Variants in MDN1 observed in about 807,000 individuals in gnomAD.
MDN1 encodes the protein midasin AAA ATPase 1.
Under a neutral mutation model 669.2 loss-of-function variants are expected in MDN1, and 266 were observed. The ratio of observed to expected loss-of-function variants is 0.40; its 90% CI spans 0.36 to 0.44. The LOEUF (loss-of-function observed/expected upper bound fraction) is 0.44. Ranked by LOEUF, MDN1 falls within the 20% of genes least tolerant of loss-of-function variation. The pLI is 1.00. For missense variants in MDN1, 5,940 were observed against 6,754.0 expected (o/e 0.88, Z 4.22); for synonymous variants, 2,385 against 2,457.1 (o/e 0.97, Z 0.87).
At chr6:89,670,665 G>C (rs1284477840) in intron 83 of MDN1, among the ~76,000 whole-genome samples, 1 of 152,090 alleles carries the variant, frequency 6.6e-6, no homozygotes, top group African/African-American at 2.4e-5. Context: ...CAGCGCTGGA[G>C]TTTAGGGAAC....
In MDN1 at chr6:89,643,324, G is replaced by A. The variant is rs930350562; in HGVS notation, c.*681C>T. On this transcript the variant is annotated 3_prime_UTR_variant, in exon 102 of 102. Coordinates refer to ENST00000369393, the MANE Select transcript of MDN1 (RefSeq NM_014611.3). ...CCTTCCCATCATTGCATAGTCTCCC[G>A]AAGCAGCAAGTGTGAAAGAGGATAC... 6 of 152,174 alleles carry A rather than the reference G, an allele frequency of 3.9e-5. No individual in the cohort carries two copies. Among genetic ancestry groups the A allele is most frequent in the African/African-American group, 9.7e-5 (4 of 41,432 alleles). The allele number at this position is 152,174 out of a possible 1,614,324, so 9.4% of individuals were successfully genotyped here.
At chr6:89,659,759 C>A (rs1424103040) in intron 88 of MDN1, among the ~76,000 whole-genome samples, 1 of 152,180 alleles carries the variant, frequency 6.6e-6, no homozygotes, top group East Asian at 1.9e-4. Flanking sequence ...TGATCATATA[C>A]AGAAAATACA....
rs962649859 is a variant in MDN1 at position 89,761,806 on chromosome 6, TAAAC to T, written c.2357-62_2357-59del. 2.1e-5 allele frequency: 25 copies of T among 1,190,202 alleles called. No individual in the cohort carries two copies. In the African/African-American group the frequency reaches 2.8e-4, roughly 13 times the overall value. 73.7% of individuals were successfully genotyped at this position (1,190,202 alleles called of 1,614,324 possible). A position where few individuals can be genotyped will look rare whatever the true frequency, so the allele number is the denominator to read the frequency against. On this transcript the variant is annotated intron_variant, in intron 16 of 101. Transcript: ENST00000369393. ...TTTGAATTGTAATATATACAACTTC[TAAAC>T]AAACAAATACAATTAACAAAACACA...
intron 17 of MDN1, among the ~76,000 whole-genome samples, chr6:89,759,488 G>T (rs1817423273): frequency 6.6e-6 from 1 of 152,190 alleles, no homozygotes; most frequent in Non-Finnish European, 1.5e-5. Context: ...TCTGGGCTGG[G>T]TGTGGTGGCT....
At chr6:89,803,930 C>G (rs1413576684) in intron 1 of MDN1, among the ~76,000 whole-genome samples, 2 of 109,480 alleles carry the variant, frequency 1.8e-5, no homozygotes, top group East Asian at 3.1e-4. Context: ...GAGACAGAGT[C>G]CTGCTCCATC....
At chr6:89,759,943 A>G (rs1265901920) in intron 17 of MDN1, among the ~76,000 whole-genome samples, 7 of 145,472 alleles carry the variant, frequency 4.8e-5, no homozygotes, top group East Asian at 2.1e-4. Flanking sequence ...GTGGTGGCAC[A>G]CACCTGTAAT....
chr6:89,800,840 C>T (rs1373973443), intron 2 of MDN1, among the ~76,000 whole-genome samples: 1 of 152,070 alleles, frequency 6.6e-6, no homozygotes, highest in African/African-American at 2.4e-5. Context: ...GGGGTCTGTA[C>T]TAAACCCAGA....
chr6:89,734,691 A>AGAGAGAG (rs370691129), intron 33 of MDN1, among the ~76,000 whole-genome samples: 1,489 of 112,904 alleles, frequency 0.013, 61 homozygotes, highest in Admixed American at 0.033. Flanking sequence ...AAAAAAAAAC[A>AGAGAGAG]AGAGAGAGAG....
In MDN1 at chr6:89,727,474, T is replaced by A. The variant is rs79630590; in HGVS notation, c.5472+359A>T. Among the ~76,000 whole-genome samples the A allele has an allele frequency of 3.6e-3, 548 of 152,294 alleles. 8 individuals carry two copies. In the East Asian group the frequency reaches 0.038, roughly 11 times the overall value. On this transcript the variant is annotated intron_variant, in intron 37 of 101. Coordinates refer to ENST00000369393, the MANE Select transcript of MDN1 (RefSeq NM_014611.3). ...GGTCATTTTGTATGTCTTTCCTTAG[T>A]CTCTCCGGTGCACTAATAAAACATG...
At chr6:89,689,497 T>A (rs1305122061) in intron 65 of MDN1, among the ~76,000 whole-genome samples, 2 of 152,166 alleles carry the variant, frequency 1.3e-5, no homozygotes. Context: ...TGCTCCCAGG[T>A]ATGTGTTATT....
At chr6:89,786,586 AC>A (rs1818971236) in intron 8 of MDN1, among the ~76,000 whole-genome samples, 1 of 151,198 alleles carries the variant, frequency 6.6e-6, no homozygotes, top group African/African-American at 2.4e-5. Flanking sequence ...CAGCCTGGGT[AC>A]AAAGCAAAAC....
Position 89,715,723 on chromosome 6 carries a change from C to A in MDN1, c.6790G>T (p.Val2264Phe), listed in dbSNP as rs1311655941. 6.2e-7 allele frequency: 1 copy of A among 1,613,874 alleles called. No individual in the cohort carries two copies. Among genetic ancestry groups the A allele is most frequent in the South Asian group, 1.1e-5 (1 of 91,086 alleles). Residue 2264 changes from valine to phenylalanine, a missense_variant, in exon 45 of 102, where the codon GTC (valine) becomes TTC (phenylalanine). By Grantham distance (50) the Val-to-Phe change is conservative. Coordinates refer to ENST00000369393, the MANE Select transcript of MDN1 (RefSeq NM_014611.3). ...RLNALLEPGGVLTISERGMID... is the reference protein window; with the variant it reads ...RLNALLEPGGFLTISERGMID... ...ATTCCTCTCTCACTAATAGTGAGGA[C>A]ACCTCCGGGTTCAAGCAAAGCATTC... is the stretch of plus-strand genomic sequence containing the variant.
At chr6:89,720,631 T>C (rs996770712) in intron 40 of MDN1, among the ~76,000 whole-genome samples, 1 of 152,174 alleles carries the variant, frequency 6.6e-6, no homozygotes, top group Non-Finnish European at 1.5e-5. Context: ...ACCTGACTAA[T>C]CAATCATTCA....
At chr6:89,753,773 G>C (rs570078631) in intron 21 of MDN1, 151 bp from the exon 22 acceptor site, 1 of 709,188 alleles carries the variant, frequency 1.4e-6, no homozygotes. Flanking sequence ...GGTAGGCCAG[G>C]CACGGTGGTT....
intron 1 of MDN1, among the ~76,000 whole-genome samples, chr6:89,812,483 T>C (rs1223818924): frequency 1.3e-5 from 2 of 152,064 alleles, no homozygotes; most frequent in African/African-American, 4.8e-5. Context: ...AATTCATCAA[T>C]TTCCCAATAA....
chr6:89,772,616 C>T lies in MDN1; in HGVS notation c.2040G>A (p.Gly680=). The change falls in exon 14 of 102, where the codon GGG becomes GGA. Residue 680 remains glycine (G), a synonymous_variant. Coordinates refer to ENST00000369393, the MANE Select transcript of MDN1 (RefSeq NM_014611.3). ...ATTGGATGGTAGAGGTTTTGCCAGTCCCGGTCTCTCCCACCAGCAACACAG... is the reference window on the plus strand; with the variant it reads ...ATTGGATGGTAGAGGTTTTGCCAGTTCCGGTCTCTCCCACCAGCAACACAG... ...GEPVLLVGET[G]TGKTSTIQYL... 6.2e-7 allele frequency: 1 copy of T among 1,614,096 alleles called. No homozygotes were observed. The highest frequency in any genetic ancestry group is 8.5e-7 in the Non-Finnish European group (1 of 1,179,998).
intron 56 of MDN1, 74 bp downstream of exon 56, chr6:89,700,572 G>A: frequency 6.7e-7 from 1 of 1,483,050 alleles, no homozygotes; most frequent in Non-Finnish European, 9.3e-7. Flanking sequence ...AAATCTAAGG[G>A]AAAACTTATT....
rs771629998 is a variant in MDN1 at position 89,730,782 on chromosome 6, T to C, written c.5084A>G (p.Lys1695Arg). ...ELKIYDRMKA[K>R]EFTGIDNLWG... is the part of the protein sequence containing the mutation. ...AAGGTTATCTATTCCAGTGAATTCT[T>C]TGGCCTTCATTCTGTCATAAATCTT... The change falls in exon 35 of 102, where the codon AAA becomes AGA. Residue 1695 changes from lysine to arginine, a missense_variant. This residue lies in a region of MDN1 where 2,292 missense variants were observed against 2,638.3 expected (regional missense o/e 0.87). Transcript: ENST00000369393. 1.1e-5 allele frequency: 17 copies of C among 1,614,132 alleles called. No individual in the cohort carries two copies. The highest frequency in any genetic ancestry group is 3.3e-5 in the Admixed American group (2 of 60,012).
chr6:89,668,683 TG>T (rs1410158291), intron 83 of MDN1, among the ~76,000 whole-genome samples: 1 of 152,192 alleles, frequency 6.6e-6, no homozygotes, highest in East Asian at 1.9e-4. Flanking sequence ...TATCTGAGGA[TG>T]GGAATGCACA....
Sources: allele counts gnomAD v4.1 joint callset (sites outside exome capture counted in the v4.1 genomes callset), GRCh38; gene constraint gnomAD v4.1.1; regional missense constraint gnomAD v4.1.1; transcripts MANE v1.5; gene names NCBI Gene and HGNC (gene_info 2026-07-23, HGNC 2026-07-21).